The following TIAM1 variants were observed in gnomAD, a reference collection of about 807,000 sequenced individuals.
TIAM1 encodes the protein rho guanine nucleotide exchange factor TIAM1.
In TIAM1, 65 loss-of-function variants were observed where a neutral mutation model predicts 163.5. The observed-to-expected ratio is 0.40, with a 90% confidence interval of 0.33 to 0.49. The LOEUF (loss-of-function observed/expected upper bound fraction) is 0.49. Among genes scored for constraint, TIAM1 ranks in the 20% least tolerant of loss-of-function variants. The probability of loss-of-function intolerance (pLI) is 0.77; values close to 1 mark genes in which losing one functional copy is unlikely to be tolerated. For synonymous variants in TIAM1, 833 were observed against 810.1 expected (o/e 1.03, Z -0.48); for missense variants, 1,789 against 2,044.7 (o/e 0.87, Z 2.41).
chr21:31,191,155 G>A (rs2085541011), intron 13 of TIAM1, among the ~76,000 whole-genome samples: 1 of 151,876 alleles, frequency 6.6e-6, no homozygotes, highest in Non-Finnish European at 1.5e-5. Context: ...TGAGTGGCAG[G>A]CTTTTCTTTT....
intron 2 of TIAM1, among the ~76,000 whole-genome samples, chr21:31,333,911 C>A (rs147731144): frequency 9.8e-4 from 149 of 152,288 alleles, no homozygotes; most frequent in African/African-American, 3.5e-3. Context: ...CACCCTCCCC[C>A]CCAAAAAATT....
At chr21:31,345,057 A>G (rs1467004494), upstream of TIAM1, among the ~76,000 whole-genome samples, 1 of 152,222 alleles carries the variant, frequency 6.6e-6, no homozygotes, top group Non-Finnish European at 1.5e-5. Flanking sequence ...TCTTTAAATA[A>G]AACTTTAAAT....
chr21:31,525,251 C>G (rs181930172), intron 1 of TIAM1, among the ~76,000 whole-genome samples: 1 of 152,036 alleles, frequency 6.6e-6, no homozygotes, highest in East Asian at 1.9e-4. Flanking sequence ...CACCTGTAAT[C>G]TCAGCTACTT....
chr21:31,211,267 G>A (rs560490452), intron 10 of TIAM1, among the ~76,000 whole-genome samples: 16 of 152,296 alleles, frequency 1.1e-4, no homozygotes, highest in African/African-American at 3.8e-4. Flanking sequence ...AGCAGATGAA[G>A]CAGAGGATGT....
At chr21:31,128,400 T>A (rs1278722716) in intron 25 of TIAM1, among the ~76,000 whole-genome samples, 1 of 152,204 alleles carries the variant, frequency 6.6e-6, no homozygotes, top group Non-Finnish European at 1.5e-5. Context: ...GAATGTCGTA[T>A]TACAAAGATG....
chr21:31,352,636 G>A (rs1451066445), intron 2 of TIAM1, among the ~76,000 whole-genome samples: 16 of 150,446 alleles, frequency 1.1e-4, no homozygotes, highest in Admixed American at 8.6e-4. Context: ...CGGATCACTT[G>A]AGGTCAGGAG....
chr21:31,304,866 T>C (rs1379762625), intron 2 of TIAM1, among the ~76,000 whole-genome samples: 1 of 152,150 alleles, frequency 6.6e-6, no homozygotes, highest in East Asian at 1.9e-4. Context: ...CTAGTTTTTG[T>C]ATTTTTAGTA....
chr21:31,222,525 T>C (rs1435919161), intron 8 of TIAM1, among the ~76,000 whole-genome samples: 2 of 151,548 alleles, frequency 1.3e-5, no homozygotes, highest in African/African-American at 4.8e-5. Context: ...AATCACAGAG[T>C]TCTTCGCCTT....
chr21:31,141,652 G>A lies in TIAM1; in HGVS notation c.3476-148C>T. ...GCAGGAAGAGGGACAGGTAGGGGAG[G>A]GGGCAGTCAGGGAGACCACAGGCAG... On this transcript the variant is annotated intron_variant, in intron 20 of 27. Coordinates refer to ENST00000541036, the MANE Select transcript of TIAM1 (RefSeq NM_001353694.2). This position sits in a 1 kb window ranked among gnomAD's most constrained non-coding sequence, Gnocchi z 4.7. 1.2e-6 allele frequency: 1 copy of A among 800,896 alleles called. No homozygotes were observed. The highest frequency in any genetic ancestry group is 2.0e-6 in the Non-Finnish European group (1 of 507,636). The allele number at this position is 800,896 out of a possible 1,614,324, so 49.6% of individuals were successfully genotyped here.
chr21:31,536,434 C>T (rs538727267), intron 1 of TIAM1, among the ~76,000 whole-genome samples: 4 of 152,286 alleles, frequency 2.6e-5, no homozygotes, highest in Admixed American at 6.5e-5. Flanking sequence ...TGGACCACCC[C>T]GGATACCCCA....
At chr21:31,261,990 G>A (rs550940207) in intron 4 of TIAM1, among the ~76,000 whole-genome samples, 3 of 152,258 alleles carry the variant, frequency 2.0e-5, no homozygotes, top group African/African-American at 4.8e-5. Context: ...ACGGCTCCAC[G>A]CCAAAGCTTC....
chr21:31,484,911 A>C (rs1438792609), intron 1 of TIAM1, among the ~76,000 whole-genome samples: 3 of 152,204 alleles, frequency 2.0e-5, no homozygotes, highest in Non-Finnish European at 4.4e-5. Context: ...TAGTGTGCTT[A>C]TACAAGAGGT....
chr21:31,491,968 C>T (rs2046482545), intron 1 of TIAM1, among the ~76,000 whole-genome samples: 1 of 152,188 alleles, frequency 6.6e-6, no homozygotes, highest in Non-Finnish European at 1.5e-5. Context: ...AATTTCTCTA[C>T]TATGTGCCTG....
chr21:31,385,593 G>A (rs931949444), intron 2 of TIAM1, among the ~76,000 whole-genome samples: 1 of 151,506 alleles, frequency 6.6e-6, no homozygotes, highest in African/African-American at 2.4e-5. Context: ...TAGGAGGGAG[G>A]AAAATCTTTA....
chr21:31,416,662 T>C (rs1000787511), intron 2 of TIAM1, among the ~76,000 whole-genome samples: 1 of 152,252 alleles, frequency 6.6e-6, no homozygotes, highest in Non-Finnish European at 1.5e-5. Flanking sequence ...CATTCCTTTT[T>C]GTGGCTGTTC....
chr21:31,197,059 G>A (rs564121902), intron 12 of TIAM1, among the ~76,000 whole-genome samples: 179 of 152,220 alleles, frequency 1.2e-3, no homozygotes, highest in Non-Finnish European at 1.9e-3. Flanking sequence ...ACATAAAAAT[G>A]GCAACAATAG....
intron 2 of TIAM1, among the ~76,000 whole-genome samples, chr21:31,399,204 C>G (rs1460617803): frequency 2.0e-5 from 3 of 151,866 alleles, no homozygotes; most frequent in Non-Finnish European, 2.9e-5. Context: ...GATATAACAT[C>G]AATGCCCCCT....
intron 2 of TIAM1, among the ~76,000 whole-genome samples, chr21:31,292,032 T>C (rs2074042489): frequency 6.6e-6 from 1 of 152,130 alleles, no homozygotes; most frequent in Non-Finnish European, 1.5e-5. Flanking sequence ...GATTGGTAAA[T>C]GTAACATAGG....
chr21:31,224,160 T>C lies in TIAM1; in HGVS notation c.1810-569A>G, dbSNP rs2211828. Among the ~76,000 whole-genome samples the C allele has an allele frequency of 7.9e-3, 1,209 of 152,242 alleles. 37 individuals carry two copies. Among genetic ancestry groups the C allele is most frequent in the East Asian group, 0.078 (403 of 5,160 alleles). On this transcript the variant is annotated intron_variant, in intron 7 of 27. Coordinates refer to ENST00000541036, the MANE Select transcript of TIAM1 (RefSeq NM_001353694.2). ...AAATAATAACTACCTCCTTAGGCTGTTGGGATGTTTGAAAAAGATAATACA... is the reference window on the plus strand; with the variant it reads ...AAATAATAACTACCTCCTTAGGCTGCTGGGATGTTTGAAAAAGATAATACA...
Sources: allele counts gnomAD v4.1 joint callset (sites outside exome capture counted in the v4.1 genomes callset), GRCh38; gene constraint gnomAD v4.1.1; non-coding constraint Gnocchi (gnomAD v3.1); transcripts MANE v1.5; gene names NCBI Gene and HGNC (gene_info 2026-07-23, HGNC 2026-07-21).